The following AGMO variants were observed in gnomAD, a reference collection of about 807,000 sequenced individuals.
AGMO encodes alkylglycerol monooxygenase, also known as glyceryl-ether monooxygenase.
Under a neutral mutation model 60.2 loss-of-function variants are expected in AGMO, and 75 were observed. That is an observed-to-expected ratio of 1.25 (90% confidence interval 1.03 to 1.51). The LOEUF (loss-of-function observed/expected upper bound fraction) is 1.51, where lower values mean the gene tolerates loss of function less well. AGMO is among the 40% of genes most tolerant of loss of function. The pLI, the probability that AGMO is intolerant of heterozygous loss-of-function variation, is 0.00. For synonymous variants in AGMO, 261 were observed against 177.1 expected (o/e 1.47, Z -3.76); for missense variants, 763 against 525.5 (o/e 1.45, Z -4.42).
chr7:15,339,571 T>C (rs1160529923), intron 12 of AGMO, among the ~76,000 whole-genome samples: 3 of 152,162 alleles, frequency 2.0e-5, no homozygotes, highest in Non-Finnish European at 4.4e-5. Context: ...GTTTCCATTA[T>C]TGAAAAATAG....
intron 2 of AGMO, among the ~76,000 whole-genome samples, chr7:15,559,620 G>A (rs1785246753): frequency 6.6e-6 from 1 of 152,132 alleles, no homozygotes; most frequent in African/African-American, 2.4e-5. Context: ...GTTCTCTATA[G>A]TTCAAGACAG....
At chr7:15,253,677 G>A (rs1046024455) in intron 12 of AGMO, among the ~76,000 whole-genome samples, 17 of 151,944 alleles carry the variant, frequency 1.1e-4, no homozygotes, top group Non-Finnish European at 2.4e-4. Flanking sequence ...CACCAGAAAC[G>A]TTTATTATTT....
At chr7:15,145,796 G>A in the AGMO span, among the ~76,000 whole-genome samples, 5 of 152,044 alleles carry the variant, frequency 3.3e-5, no homozygotes, top group East Asian at 3.9e-4. Context: ...ACACAATTAC[G>A]CCATACAAAT....
chr7:15,120,138 G>C, the AGMO span, among the ~76,000 whole-genome samples: 1 of 151,752 alleles, frequency 6.6e-6, no homozygotes, highest in Non-Finnish European at 1.5e-5. Flanking sequence ...AACCAAAAAA[G>C]AACAAAAAAG....
intron 12 of AGMO, among the ~76,000 whole-genome samples, chr7:15,362,311 G>A (rs1418687347): frequency 1.3e-5 from 2 of 152,004 alleles, no homozygotes; most frequent in African/African-American, 4.8e-5. Context: ...AAGTGGAAAG[G>A]CTACTTTCCA....
chr7:15,319,200 T>C (rs1045530721), intron 12 of AGMO, among the ~76,000 whole-genome samples: 1 of 152,136 alleles, frequency 6.6e-6, no homozygotes, highest in African/African-American at 2.4e-5. Context: ...AAAAAGCTAC[T>C]AAAAAAGTGA....
At chr7:15,170,458 G>T in the AGMO span, among the ~76,000 whole-genome samples, 2 of 152,038 alleles carry the variant, frequency 1.3e-5, no homozygotes, top group Non-Finnish European at 2.9e-5. Flanking sequence ...AATAACCAAG[G>T]TTAGCATATT....
At chr7:15,125,109 A>G in the AGMO span, among the ~76,000 whole-genome samples, 2 of 152,318 alleles carry the variant, frequency 1.3e-5, no homozygotes, top group Non-Finnish European at 2.9e-5. Flanking sequence ...AGTATTTTTC[A>G]TCGCATCCAA....
intron 3 of AGMO, among the ~76,000 whole-genome samples, chr7:15,504,136 A>G (rs1783452599): frequency 6.6e-6 from 1 of 152,034 alleles, no homozygotes; most frequent in Non-Finnish European, 1.5e-5. Flanking sequence ...TGGATGTAAT[A>G]TAAGGAAACT....
the AGMO span, among the ~76,000 whole-genome samples, chr7:15,125,737 T>A: frequency 0.33 from 49,854 of 151,862 alleles, 9,848 homozygotes; most frequent in East Asian, 0.68. Context: ...TACATAAAAA[T>A]TAGAAGGTGT....
chr7:15,454,357 C>CCACACACACACACA (rs71004380), intron 3 of AGMO, among the ~76,000 whole-genome samples: 6 of 149,132 alleles, frequency 4.0e-5, no homozygotes, highest in African/African-American at 1.2e-4. Flanking sequence ...AGTGTTCTCA[C>CCACACACACACACA]CACACACACA....
intron 4 of AGMO, among the ~76,000 whole-genome samples, chr7:15,419,683 T>C (rs897684414): frequency 2.0e-5 from 3 of 151,950 alleles, no homozygotes; most frequent in Non-Finnish European, 4.4e-5. Context: ...TGTTTTTTTT[T>C]TAATATAAAC....
chr7:15,119,485 T>C, the AGMO span, among the ~76,000 whole-genome samples: 1 of 151,632 alleles, frequency 6.6e-6, no homozygotes, highest in Non-Finnish European at 1.5e-5. Flanking sequence ...CTTACTTCCT[T>C]ACCCAGCTTA....
At chr7:15,478,663 A>G (rs973514172) in intron 3 of AGMO, among the ~76,000 whole-genome samples, 1 of 152,132 alleles carries the variant, frequency 6.6e-6, no homozygotes, top group Non-Finnish European at 1.5e-5. Flanking sequence ...TGGGAACCTC[A>G]GACGCTGGCC....
At chr7:15,549,108 G>T (rs1217413725) in intron 2 of AGMO, among the ~76,000 whole-genome samples, 2 of 148,802 alleles carry the variant, frequency 1.3e-5, no homozygotes, top group East Asian at 2.0e-4. Context: ...TTACAGACAA[G>T]CAAATGCTGA....
intron 1 of AGMO, 37 bp downstream of exon 1, chr7:15,561,683 G>A (rs1785310702): frequency 6.5e-7 from 1 of 1,534,070 alleles, no homozygotes; most frequent in Non-Finnish European, 8.8e-7. Context: ...TAAGAAAGCA[G>A]CAAGAATAAG....
intron 12 of AGMO, among the ~76,000 whole-genome samples, chr7:15,268,989 G>C (rs923495312): frequency 2.0e-5 from 3 of 151,996 alleles, no homozygotes; most frequent in Non-Finnish European, 4.4e-5. Context: ...GTGGTGGATC[G>C]TTTTACAATG....
intron 12 of AGMO, among the ~76,000 whole-genome samples, chr7:15,201,947 T>C (rs1241412123): frequency 1.3e-5 from 2 of 152,134 alleles, no homozygotes; most frequent in African/African-American, 4.8e-5. Context: ...GAAAATTTCA[T>C]TGAGTTTGTT....
At chr7:15,384,521 A>T (rs1783833150) in intron 10 of AGMO, among the ~76,000 whole-genome samples, 1 of 152,304 alleles carries the variant, frequency 6.6e-6, no homozygotes, top group South Asian at 2.1e-4. Flanking sequence ...TATACACCTT[A>T]AAGATAGGCG....
Sources: allele counts gnomAD v4.1 joint callset (sites outside exome capture counted in the v4.1 genomes callset), GRCh38; gene constraint gnomAD v4.1.1; transcripts MANE v1.5; gene names NCBI Gene and HGNC (gene_info 2026-07-23, HGNC 2026-07-21).